ATP8A1: variants seen among roughly 807,000 people sequenced by gnomAD.
ATP8A1 encodes phospholipid-transporting ATPase IA.
ATP8A1 carries 90 observed loss-of-function variants against 177.7 expected under a neutral mutation model. The ratio of observed to expected loss-of-function variants is 0.51; its 90% confidence interval spans 0.43 to 0.60. The LOEUF (loss-of-function observed/expected upper bound fraction) is 0.60, where lower values mean the gene tolerates loss of function less well. Among genes scored for constraint, ATP8A1 ranks in the 20% least tolerant of loss-of-function variants. ATP8A1 has a pLI of 0.00. For synonymous variants in ATP8A1, 493 were observed against 485.9 expected (o/e 1.01, Z -0.19); for missense variants, 1,072 against 1,392.8 (o/e 0.77, Z 3.67).
At chr4:42,489,909 A>G (rs1459504269) in intron 24 of ATP8A1, among the ~76,000 whole-genome samples, 2 of 152,314 alleles carry the variant, frequency 1.3e-5, no homozygotes, top group East Asian at 3.9e-4. Flanking sequence ...TAAATCAGAA[A>G]AAGGATCAAA....
chr4:42,605,781 T>C (rs564340878), intron 5 of ATP8A1, among the ~76,000 whole-genome samples: 51 of 152,348 alleles, frequency 3.3e-4, no homozygotes, highest in African/African-American at 8.9e-4. Context: ...CCAAATGTTC[T>C]CTCTCAATTC....
At position 42,429,745 on chromosome 4, in the gene ATP8A1, G is replaced by A. The variant is rs77073366; in HGVS notation, c.3124-6040C>T. Among the ~76,000 whole-genome samples the A allele has an allele frequency of 5.6e-3, 859 of 152,284 alleles. 9 individuals carry two copies. Among genetic ancestry groups the A allele is most frequent in the African/African-American group, 0.019 (786 of 41,540 alleles). The stretch of plus-strand genomic sequence containing the variant: ...GGGTGGAAACAACATCAACAGATGA[G>A]TGGACAAGGAAAATGTGGCATATCC... On this transcript the variant is annotated intron_variant, in intron 33 of 36. Coordinates refer to ENST00000381668, the MANE Select transcript of ATP8A1 (RefSeq NM_006095.2).
At chr4:42,507,794 A>AAC (rs1553890645) in intron 22 of ATP8A1, among the ~76,000 whole-genome samples, 2 of 137,988 alleles carry the variant, frequency 1.4e-5, no homozygotes, top group East Asian at 4.4e-4. Context: ...AAAAAAAAAA[A>AAC]AAAAAAAAAA....
At chr4:42,643,476 T>G (rs1186186735) in intron 1 of ATP8A1, among the ~76,000 whole-genome samples, 1 of 152,206 alleles carries the variant, frequency 6.6e-6, no homozygotes, top group Non-Finnish European at 1.5e-5. Context: ...GCCCAAAACT[T>G]TAGTCATTTT....
intron 15 of ATP8A1, among the ~76,000 whole-genome samples, chr4:42,561,094 T>A (rs2153215095): frequency 6.6e-6 from 1 of 152,236 alleles, no homozygotes; most frequent in East Asian, 1.9e-4. Context: ...TTTATTGGCC[T>A]AACGTAATTG....
intron 20 of ATP8A1, among the ~76,000 whole-genome samples, chr4:42,528,419 A>G (rs549393764): frequency 2.0e-5 from 3 of 152,294 alleles, no homozygotes; most frequent in African/African-American, 7.2e-5. Context: ...TTCCCACCAC[A>G]TCCCCATTCA....
intron 24 of ATP8A1, among the ~76,000 whole-genome samples, chr4:42,496,260 A>C (rs1723264380): frequency 6.6e-6 from 1 of 152,238 alleles, no homozygotes; most frequent in African/African-American, 2.4e-5. Context: ...AAAGGAAGGA[A>C]GAGTGGGATA....
chr4:42,645,243 A>G (rs1740414547), intron 1 of ATP8A1, among the ~76,000 whole-genome samples: 1 of 152,214 alleles, frequency 6.6e-6, no homozygotes, highest in Non-Finnish European at 1.5e-5. Context: ...CTGAGAGGGG[A>G]AATTAAGAGG....
chr4:42,652,486 G>T (rs1248046260), intron 1 of ATP8A1, among the ~76,000 whole-genome samples: 1 of 152,084 alleles, frequency 6.6e-6, no homozygotes, highest in Admixed American at 6.5e-5. Context: ...TTATTGTTGA[G>T]ACTTGCTTTT....
chr4:42,464,392 G>A (rs570090334), intron 27 of ATP8A1, among the ~76,000 whole-genome samples: 8 of 151,446 alleles, frequency 5.3e-5, no homozygotes, highest in African/African-American at 1.9e-4. Context: ...TAGCCTCCTA[G>A]TAGCTGGAAT....
At chr4:42,607,680 C>T (rs2109422003) in intron 5 of ATP8A1, among the ~76,000 whole-genome samples, 1 of 150,784 alleles carries the variant, frequency 6.6e-6, no homozygotes, top group African/African-American at 2.4e-5. Context: ...ATTAGGTAAA[C>T]CTCACATTAC....
intron 22 of ATP8A1, among the ~76,000 whole-genome samples, chr4:42,519,303 C>G (rs1725878297): frequency 6.6e-6 from 1 of 152,144 alleles, no homozygotes; most frequent in Non-Finnish European, 1.5e-5. Flanking sequence ...TATGTTCCCC[C>G]AGGCTGGTCT....
intron 22 of ATP8A1, among the ~76,000 whole-genome samples, chr4:42,509,415 C>T (rs1724763505): frequency 2.0e-5 from 3 of 152,222 alleles, no homozygotes; most frequent in African/African-American, 7.2e-5. Flanking sequence ...AGGCAACAGT[C>T]CCCGCTATAG....
At chr4:42,569,858 A>G (rs1194964894) in intron 14 of ATP8A1, among the ~76,000 whole-genome samples, 31 of 152,218 alleles carry the variant, frequency 2.0e-4, no homozygotes, top group Non-Finnish European at 1.5e-5. Flanking sequence ...CGCTCATCTG[A>G]ACACTAGGAA....
At chr4:42,575,538 C>A in intron 13 of ATP8A1, 84 bp downstream of exon 13, 1 of 1,045,088 alleles carries the variant, frequency 9.6e-7, no homozygotes, top group Non-Finnish European at 1.5e-6. Flanking sequence ...GCTGTCCATT[C>A]ATCTGCAGTT....
At chr4:42,601,266 C>A (rs1735239469) in intron 5 of ATP8A1, among the ~76,000 whole-genome samples, 1 of 151,678 alleles carries the variant, frequency 6.6e-6, no homozygotes, top group Admixed American at 6.6e-5. Context: ...GAACTCCTGA[C>A]CTCAAGTGAT....
intron 33 of ATP8A1, among the ~76,000 whole-genome samples, chr4:42,429,726 A>C (rs1715051379): frequency 6.6e-6 from 1 of 152,368 alleles, no homozygotes; most frequent in Middle Eastern, 3.4e-3. Flanking sequence ...CAAAGGGTGG[A>C]AACAACATCA....
chr4:42,536,849 C>T (rs183525218), intron 20 of ATP8A1, among the ~76,000 whole-genome samples: 141 of 152,138 alleles, frequency 9.3e-4, no homozygotes, highest in Non-Finnish European at 1.7e-3. Flanking sequence ...AAACCAGGCC[C>T]GGCATGGTGG....
At chr4:42,502,534 A>G (rs1723957658) in intron 24 of ATP8A1, among the ~76,000 whole-genome samples, 1 of 152,206 alleles carries the variant, frequency 6.6e-6, no homozygotes, top group South Asian at 2.1e-4. Context: ...AGCCAGACAG[A>G]AAGGATACCA....
Sources: allele counts gnomAD v4.1 joint callset (sites outside exome capture counted in the v4.1 genomes callset), GRCh38; gene constraint gnomAD v4.1.1; transcripts MANE v1.5; gene names NCBI Gene and HGNC (gene_info 2026-07-23, HGNC 2026-07-21).